CTNNA3: variants seen among roughly 807,000 people sequenced by gnomAD.
CTNNA3 encodes catenin alpha-3.
In CTNNA3, 76 loss-of-function variants were observed where a neutral mutation model predicts 95.7. The observed-to-expected ratio is 0.79, with a 90% confidence interval of 0.66 to 0.96. The LOEUF (loss-of-function observed/expected upper bound fraction) is 0.96, where lower values mean the gene tolerates loss of function less well. CTNNA3 is among the 40% of genes least tolerant of loss of function. The probability of loss-of-function intolerance (pLI) is 0.00; values close to 1 mark genes in which losing one functional copy is unlikely to be tolerated. For missense variants in CTNNA3, 1,191 were observed against 1,089.8 expected (o/e 1.09, Z -1.31); for synonymous variants, 431 against 374.4 (o/e 1.15, Z -1.74).
At chr10:66,004,178 G>A (rs1041182816) in intron 15 of CTNNA3, among the ~76,000 whole-genome samples, 11 of 152,170 alleles carry the variant, frequency 7.2e-5, no homozygotes, top group Non-Finnish European at 1.5e-4. Context: ...TTAAAGCACT[G>A]AAATTCGACG....
chr10:67,071,090 G>GGATAATAAAA (rs1178615779), intron 7 of CTNNA3, among the ~76,000 whole-genome samples: 2 of 152,074 alleles, frequency 1.3e-5, no homozygotes, highest in Admixed American at 6.5e-5. Flanking sequence ...TGGTATTGAT[G>GGATAATAAAA]TCACATATTA....
chr10:66,118,492 T>C (rs2082434569), intron 13 of CTNNA3, among the ~76,000 whole-genome samples: 1 of 152,200 alleles, frequency 6.6e-6, no homozygotes, highest in Non-Finnish European at 1.5e-5. Context: ...CCGAAATAAG[T>C]CCCAGGCACT....
rs149429861 is a variant in CTNNA3 at position 66,370,264 on chromosome 10, C to T, written c.1732+8888G>A. ...CTTTTCTGGCTATATATAAAGACCCCTAAAAAAGTAAAATTAGCTGTCTTT... is the reference window on the plus strand; with the variant it reads ...CTTTTCTGGCTATATATAAAGACCCTTAAAAAAGTAAAATTAGCTGTCTTT... On this transcript the variant is annotated intron_variant, in intron 12 of 17. Coordinates refer to ENST00000433211, the MANE Select transcript of CTNNA3 (RefSeq NM_013266.4). Among the ~76,000 whole-genome samples the T allele has an allele frequency of 5.0e-3, 765 of 152,130 alleles. 9 individuals carry two copies. The highest frequency in any genetic ancestry group is 0.017 in the African/African-American group (721 of 41,518).
At chr10:67,726,392 ATATTATATAT>A (rs1293598387) in intron 1 of CTNNA3, among the ~76,000 whole-genome samples, 2 of 41,278 alleles carry the variant, frequency 4.8e-5, no homozygotes, top group East Asian at 3.2e-3. Flanking sequence ...GAAATTATAT[ATATTATATAT>A]TATATCATAT....
chr10:67,454,493 T>C (rs12250991), intron 5 of CTNNA3, among the ~76,000 whole-genome samples: 12,929 of 152,146 alleles, frequency 0.085, 645 homozygotes, highest in South Asian at 0.16. Flanking sequence ...TTTCGAAACA[T>C]AGGATGCTGA....
chr10:67,598,084 T>C (rs539827935), intron 3 of CTNNA3, among the ~76,000 whole-genome samples: 1 of 152,218 alleles, frequency 6.6e-6, no homozygotes, highest in East Asian at 1.9e-4. Flanking sequence ...TACAGTTAGA[T>C]AGCCCTGTTC....
intron 5 of CTNNA3, among the ~76,000 whole-genome samples, chr10:67,280,639 T>C (rs1839358020): frequency 2.0e-5 from 3 of 151,984 alleles, no homozygotes; most frequent in African/African-American, 7.2e-5. Context: ...TCCTGGTGAC[T>C]CCACCCCATT....
chr10:67,585,183 C>A (rs1283857558), intron 3 of CTNNA3, among the ~76,000 whole-genome samples: 4 of 152,150 alleles, frequency 2.6e-5, no homozygotes, highest in Admixed American at 6.5e-5. Context: ...TCCTATTTGG[C>A]CATCTTGGAA....
At chr10:67,177,927 C>T (rs143421367) in intron 7 of CTNNA3, among the ~76,000 whole-genome samples, 1 of 152,316 alleles carries the variant, frequency 6.6e-6, no homozygotes, top group South Asian at 2.1e-4. Flanking sequence ...GGGGCAGCTT[C>T]AGGGACCTGC....
At chr10:66,122,130 T>A (rs1008459992) in intron 13 of CTNNA3, among the ~76,000 whole-genome samples, 1 of 151,996 alleles carries the variant, frequency 6.6e-6, no homozygotes, top group Non-Finnish European at 1.5e-5. Context: ...TAGTGGGTAA[T>A]ATAAATAGAG....
intron 1 of CTNNA3, among the ~76,000 whole-genome samples, chr10:67,731,870 G>A (rs1201049412): frequency 6.6e-6 from 1 of 150,640 alleles, no homozygotes; most frequent in African/African-American, 2.4e-5. Context: ...TGTTGTTGTT[G>A]TTTTGTTTTC....
chr10:66,531,938 G>GA (rs903155515), intron 10 of CTNNA3, among the ~76,000 whole-genome samples: 1 of 151,978 alleles, frequency 6.6e-6, no homozygotes, highest in African/African-American at 2.4e-5. Flanking sequence ...ATTTGGAGTG[G>GA]AAAAAAATTG....
chr10:66,212,604 T>A (rs1341291802), intron 13 of CTNNA3, among the ~76,000 whole-genome samples: 1 of 152,200 alleles, frequency 6.6e-6, no homozygotes. Flanking sequence ...CTTTCAGTAG[T>A]GTGCTGTTGT....
chr10:67,406,994 G>T (rs193051216), intron 5 of CTNNA3, among the ~76,000 whole-genome samples: 28 of 152,272 alleles, frequency 1.8e-4, no homozygotes, highest in African/African-American at 6.7e-4. Context: ...GAGGTACAAA[G>T]AAGAGCTGGT....
chr10:66,146,330 C>G (rs1311895722), intron 13 of CTNNA3, among the ~76,000 whole-genome samples: 1 of 152,058 alleles, frequency 6.6e-6, no homozygotes, highest in African/African-American at 2.4e-5. Flanking sequence ...ATAAAAAGAA[C>G]TAGACCTGCC....
chr10:66,821,566 G>A (rs980864272), intron 7 of CTNNA3, among the ~76,000 whole-genome samples: 3 of 152,140 alleles, frequency 2.0e-5, no homozygotes, highest in Admixed American at 6.6e-5. Context: ...CTAACCCACT[G>A]ATCTTTATTA....
At chr10:67,155,956 A>T (rs1170242479) in intron 7 of CTNNA3, among the ~76,000 whole-genome samples, 1 of 152,058 alleles carries the variant, frequency 6.6e-6, no homozygotes, top group African/African-American at 2.4e-5. Context: ...TTGATTACTG[A>T]TTCAATCTCT....
chr10:67,290,244 G>T (rs1045133851), intron 5 of CTNNA3, among the ~76,000 whole-genome samples: 1 of 152,056 alleles, frequency 6.6e-6, no homozygotes, highest in Non-Finnish European at 1.5e-5. Flanking sequence ...TTTTATTTTG[G>T]TTTATTGGAG....
At chr10:66,640,372 T>C (rs1438207679) in intron 9 of CTNNA3, among the ~76,000 whole-genome samples, 1 of 152,144 alleles carries the variant, frequency 6.6e-6, no homozygotes, top group African/African-American at 2.4e-5. Context: ...CAATTAATGA[T>C]GGAGTGAGTT....
Sources: allele counts gnomAD v4.1 joint callset (sites outside exome capture counted in the v4.1 genomes callset), GRCh38; gene constraint gnomAD v4.1.1; transcripts MANE v1.5; gene names NCBI Gene and HGNC (gene_info 2026-07-23, HGNC 2026-07-21).